Variants in KCNIP4 observed in about 807,000 individuals in gnomAD.
KCNIP4 encodes the protein Kv channel-interacting protein 4.
A neutral mutation model predicts 34.0 loss-of-function variants in KCNIP4; 12 were observed. The observed-to-expected ratio is 0.35, with a 90% CI of 0.23 to 0.57. The LOEUF (loss-of-function observed/expected upper bound fraction) is 0.57. Ranked by LOEUF, KCNIP4 falls within the 20% of genes least tolerant of loss-of-function variation. KCNIP4 has a pLI of 0.83. For synonymous variants in KCNIP4, 124 were observed against 102.2 expected (o/e 1.21, Z -1.29); for missense variants, 238 against 311.7 (o/e 0.76, Z 1.78).
At chr4:21,149,194 G>A (rs1752592436) in intron 1 of KCNIP4, among the ~76,000 whole-genome samples, 1 of 152,076 alleles carries the variant, frequency 6.6e-6, no homozygotes, top group South Asian at 2.1e-4. Flanking sequence ...TTATAGTTTT[G>A]GGATAAACAA....
chr4:21,593,300 A>C (rs16871514), intron 1 of KCNIP4, among the ~76,000 whole-genome samples: 10,021 of 152,148 alleles, frequency 0.066, 477 homozygotes, highest in African/African-American at 0.13. Flanking sequence ...TGCTGGTTAA[A>C]TTTACCCTAA....
chr4:21,886,751 C>G (rs533610169), intron 1 of KCNIP4, among the ~76,000 whole-genome samples: 2 of 152,266 alleles, frequency 1.3e-5, no homozygotes, highest in Admixed American at 1.3e-4. Flanking sequence ...GAAGTAAATG[C>G]ACCTGATACC....
intron 1 of KCNIP4, among the ~76,000 whole-genome samples, chr4:21,790,694 G>C (rs1307932061): frequency 6.6e-6 from 1 of 151,922 alleles, no homozygotes; most frequent in African/African-American, 2.4e-5. Flanking sequence ...TTGCAATTCT[G>C]AAAGATGCTT....
At chr4:20,945,236 G>C (rs114056408) in intron 1 of KCNIP4, among the ~76,000 whole-genome samples, 1 of 152,196 alleles carries the variant, frequency 6.6e-6, no homozygotes, top group East Asian at 1.9e-4. Context: ...CAGGTGACTT[G>C]TGAACACACT....
At chr4:21,222,793 T>C (rs1055096586) in intron 1 of KCNIP4, among the ~76,000 whole-genome samples, 1 of 152,206 alleles carries the variant, frequency 6.6e-6, no homozygotes, top group Non-Finnish European at 1.5e-5. Context: ...TGGTTGTACA[T>C]TTTTTATGCC....
At chr4:21,332,967 T>C (rs58902375) in intron 1 of KCNIP4, among the ~76,000 whole-genome samples, 54,374 of 151,864 alleles carry the variant, frequency 0.36, 9,954 homozygotes, top group Middle Eastern at 0.44. Context: ...ACTCCTGTAA[T>C]ACACCAAGGT....
intron 1 of KCNIP4, among the ~76,000 whole-genome samples, chr4:21,466,652 T>G (rs1729965269): frequency 6.6e-6 from 1 of 152,162 alleles, no homozygotes; most frequent in Non-Finnish European, 1.5e-5. Context: ...AGAATTTTAA[T>G]ATTAAGGGTA....
At chr4:21,785,718 G>T (rs1719866770) in intron 1 of KCNIP4, among the ~76,000 whole-genome samples, 1 of 152,034 alleles carries the variant, frequency 6.6e-6, no homozygotes, top group African/African-American at 2.4e-5. Context: ...TCTCTATATT[G>T]AATCATACAA....
chr4:21,793,107 A>G (rs1381605984), intron 1 of KCNIP4, among the ~76,000 whole-genome samples: 1 of 152,234 alleles, frequency 6.6e-6, no homozygotes, highest in Non-Finnish European at 1.5e-5. Flanking sequence ...TACCTTTAAA[A>G]AAACCAAAGC....
At chr4:21,193,597 G>A (rs879434128) in intron 1 of KCNIP4, among the ~76,000 whole-genome samples, 8 of 87,302 alleles carry the variant, frequency 9.2e-5, no homozygotes, top group African/African-American at 3.8e-4. Flanking sequence ...TTTTTGAGAC[G>A]GAGTCTCACT....
chr4:21,227,692 A>AAAAG (rs1758501325), intron 1 of KCNIP4, among the ~76,000 whole-genome samples: 1 of 152,150 alleles, frequency 6.6e-6, no homozygotes. Context: ...AAACAAAACA[A>AAAAG]AAAGCAAAAA....
At chr4:21,603,385 AGAAAGAAAG>A (rs1315843730) in intron 1 of KCNIP4, among the ~76,000 whole-genome samples, 1 of 152,146 alleles carries the variant, frequency 6.6e-6, no homozygotes, top group African/African-American at 2.4e-5. Context: ...AGGAGAAAGA[AGAAAGAAAG>A]GAAAGAAAGG....
intron 1 of KCNIP4, 119 bp downstream of exon 1, chr4:21,948,452 G>A (rs1730625557): frequency 6.3e-6 from 7 of 1,113,478 alleles, no homozygotes; most frequent in Non-Finnish European, 8.9e-6. Context: ...AGGTGACTGT[G>A]TCTCATGCAG....
intron 1 of KCNIP4, among the ~76,000 whole-genome samples, chr4:21,568,290 A>T (rs1378792301): frequency 6.6e-6 from 1 of 152,146 alleles, no homozygotes; most frequent in East Asian, 1.9e-4. Flanking sequence ...ATAGTGGAGT[A>T]AAGTGGGCCC....
intron 1 of KCNIP4, among the ~76,000 whole-genome samples, chr4:21,657,222 CT>C (rs1012198959): frequency 6.6e-6 from 1 of 152,098 alleles, no homozygotes; most frequent in Non-Finnish European, 1.5e-5. Context: ...TTTTATCAGT[CT>C]TTTTTTACTT....
At chr4:20,988,407 T>C (rs762912484) in intron 1 of KCNIP4, among the ~76,000 whole-genome samples, 2 of 152,198 alleles carry the variant, frequency 1.3e-5, no homozygotes, top group Admixed American at 6.5e-5. Context: ...CCCCAATCCA[T>C]TGTGATCCTT....
chr4:21,472,084 A>T (rs1246892864), intron 1 of KCNIP4, among the ~76,000 whole-genome samples: 3 of 152,188 alleles, frequency 2.0e-5, no homozygotes, highest in Non-Finnish European at 4.4e-5. Flanking sequence ...GAAGTTAACC[A>T]GAAATTCCTG....
chr4:21,867,039 G>A (rs1725475710), intron 1 of KCNIP4, among the ~76,000 whole-genome samples: 1 of 152,034 alleles, frequency 6.6e-6, no homozygotes, highest in Non-Finnish European at 1.5e-5. Flanking sequence ...CCAAAGTGCT[G>A]GGATTACAGG....
At chr4:20,743,863 C>T (rs1268513489) in intron 5 of KCNIP4, among the ~76,000 whole-genome samples, 5 of 151,766 alleles carry the variant, frequency 3.3e-5, no homozygotes, top group Admixed American at 2.0e-4. Context: ...ATTTTCGCAA[C>T]CTACTCATCT....
Sources: allele counts gnomAD v4.1 joint callset (sites outside exome capture counted in the v4.1 genomes callset), GRCh38; gene constraint gnomAD v4.1.1; transcripts MANE v1.5; gene names NCBI Gene and HGNC (gene_info 2026-07-23, HGNC 2026-07-21).